LRRD1: variants seen among roughly 807,000 people sequenced by gnomAD.
LRRD1 encodes leucine rich repeats and death domain containing 1.
A neutral mutation model predicts 69.5 loss-of-function variants in LRRD1; 49 were observed. The observed-to-expected ratio is 0.70, with a 90% confidence interval of 0.56 to 0.89. LRRD1 has a LOEUF of 0.89. Ranked by LOEUF, LRRD1 falls within the 40% of genes least tolerant of loss-of-function variation. LRRD1 has a pLI of 0.00. For synonymous variants in LRRD1, 303 were observed against 338.9 expected, an observed-to-expected ratio of 0.89 and a Z score of 1.16; for missense variants, 853 against 956.0, an observed-to-expected ratio of 0.89 and a Z score of 1.42.
downstream of LRRD1, chr7:92,144,696 AAC>A (rs749784019): frequency 7.1e-5 from 26 of 367,152 alleles, no homozygotes; most frequent in Non-Finnish European, 1.1e-4. Context: ...CAACAGAACA[AAC>A]ACACAAAACA....
At chr7:92,142,670 G>C (rs1385760222), downstream of LRRD1, 2 of 405,644 alleles carry the variant, frequency 4.9e-6, no homozygotes, top group African/African-American at 4.2e-5. Flanking sequence ...GATGTGTTCG[G>C]AGTTTCTTCC....
At chr7:92,146,278 C>G in intron 4 of LRRD1, 78 bp from the exon 5 acceptor site, 1 of 712,948 alleles carries the variant, frequency 1.4e-6, no homozygotes, top group Non-Finnish European at 2.2e-6. Flanking sequence ...ATCTAGTTTT[C>G]TTATTTCTGT....
At chr7:92,143,116 C>A (rs1450461442), downstream of LRRD1, among the ~76,000 whole-genome samples, 1 of 152,136 alleles carries the variant, frequency 6.6e-6, no homozygotes, top group Non-Finnish European at 1.5e-5. Flanking sequence ...CACGTCCCCA[C>A]TAGATTAGCT....
intron 5 of LRRD1, 40 bp downstream of exon 5, chr7:92,146,043 T>G: frequency 1.9e-6 from 2 of 1,057,718 alleles, no homozygotes; most frequent in Non-Finnish European, 2.7e-6. Context: ...TACATCAGAA[T>G]GAGAATAAAT....
Position 92,174,470 on chromosome 7 carries a change from AATATATATATATATATATAT to A in LRRD1, c.-75+4517_-75+4536del, listed in dbSNP as rs1186084706. ...TCTACATATATTATGTATCAATTAGAATATATATATATATATATATATATATATATATATATATATTTTTT... is the reference window on the plus strand; with the variant it reads ...TCTACATATATTATGTATCAATTAGAATATATATATATATATATATTTTTT... On this transcript the variant is annotated intron_variant, in intron 1 of 5. Coordinates refer to ENST00000458448, the MANE Select transcript of LRRD1 (RefSeq NM_001161528.2). Among the ~76,000 whole-genome samples the A allele has an allele frequency of 5.9e-4, 12 of 20,246 alleles. No individual in the cohort carries two copies. In the South Asian group the frequency reaches 6.5e-3, roughly 11 times the overall value. The allele number at this position is 20,246 out of a possible 152,430, so 13.3% of individuals were successfully genotyped here.
At chr7:92,157,820 G>GC (rs968019415) in intron 3 of LRRD1, among the ~76,000 whole-genome samples, 3 of 151,102 alleles carry the variant, frequency 2.0e-5, no homozygotes, top group Admixed American at 6.6e-5. Context: ...CAAGCAATCC[G>GC]CCCCCCTCGG....
chr7:92,163,806 AT>A lies in LRRD1; in HGVS notation c.1396del (p.Ile466Ter), dbSNP rs756444234. 28 of 1,500,530 alleles carry A rather than the reference AT, an allele frequency of 1.9e-5. No homozygotes were observed. The highest frequency in any genetic ancestry group is 2.6e-5 in the Admixed American group (1 of 38,062). The allele number at this position is 1,500,530 out of a possible 1,614,324, so 93.0% of individuals were successfully genotyped here. On this transcript the variant is annotated frameshift_variant, in exon 2 of 6. Transcript: ENST00000458448. LOFTEE classifies it high-confidence loss of function. ...VPIEIKNCQK[I>X]IKIELSYNKI... ...GTTATAACTCAATTCAATTTTAATT[AT>A]TTTTTGGCAGTTTTTTATTTCAATG...
chr7:92,151,765 A>G (rs1820472833), intron 3 of LRRD1, among the ~76,000 whole-genome samples: 1 of 152,144 alleles, frequency 6.6e-6, no homozygotes, highest in Non-Finnish European at 1.5e-5. Context: ...CCTGGCCAAC[A>G]TGGCAAAACC....
chr7:92,143,414 AC>A (rs1405192281), downstream of LRRD1, among the ~76,000 whole-genome samples: 1 of 120,034 alleles, frequency 8.3e-6, no homozygotes, highest in Non-Finnish European at 1.8e-5. Context: ...GCGCCATGGA[AC>A]CGGGGGCGGC....
At chr7:92,157,210 A>G (rs1412907252) in intron 3 of LRRD1, among the ~76,000 whole-genome samples, 3 of 151,598 alleles carry the variant, frequency 2.0e-5, no homozygotes, top group Non-Finnish European at 4.4e-5. Context: ...TGCTTTTTAT[A>G]CTTACAGTGA....
At chr7:92,144,494 G>A (rs1820262406), downstream of LRRD1, among the ~76,000 whole-genome samples, 1 of 151,932 alleles carries the variant, frequency 6.6e-6, no homozygotes, top group Non-Finnish European at 1.5e-5. Context: ...CGGCGTGGTG[G>A]TGGGCGCCTG....
At chr7:92,173,462 A>C (rs1234567785) in intron 1 of LRRD1, among the ~76,000 whole-genome samples, 3 of 152,236 alleles carry the variant, frequency 2.0e-5, no homozygotes, top group Admixed American at 1.3e-4. Context: ...ACAACGAATT[A>C]ACCAGAATAT....
chr7:92,171,939 A>G (rs1319323743), intron 1 of LRRD1, among the ~76,000 whole-genome samples: 4 of 152,252 alleles, frequency 2.6e-5, no homozygotes, highest in African/African-American at 9.6e-5. Flanking sequence ...ATTTCTATAG[A>G]TGTTGAAAAA....
At chr7:92,145,333 TTA>T (rs1820291346) in intron 5 of LRRD1, among the ~76,000 whole-genome samples, 1 of 152,042 alleles carries the variant, frequency 6.6e-6, no homozygotes, top group East Asian at 1.9e-4. Flanking sequence ...CCTTGTACCC[TTA>T]TAGAAAATCA....
At position 92,163,582 on chromosome 7, in the gene LRRD1, C is replaced by A; in HGVS notation, c.1621G>T (p.Gly541Cys). The change falls in exon 2 of 6, where the codon GGT (glycine) becomes TGT (cysteine). Residue 541 changes from glycine to cysteine, a missense_variant. Around this residue, in one of 3 missense-constraint regions of LRRD1, gnomAD observed 739 missense variants for 808.0 expected, o/e 0.91. Coordinates refer to ENST00000458448, the MANE Select transcript of LRRD1 (RefSeq NM_001161528.2). ...GGAATTTTCTTTATTTGGTTTTTAC[C>A]AAGATCCAGGTATTTAAGATTAATA... is the stretch of plus-strand genomic sequence containing the variant. ...SLINLKYLDL[G>C]KNQIKKIPAS... 1 of 1,531,196 alleles carries A rather than the reference C, an allele frequency of 6.5e-7. No homozygotes were observed. Among genetic ancestry groups the A allele is most frequent in the South Asian group, 1.2e-5 (1 of 80,570 alleles). The allele number at this position is 1,531,196 out of a possible 1,614,324, so 94.9% of individuals were successfully genotyped here. A position where few individuals can be genotyped will look rare whatever the true frequency, so the allele number is the denominator to read the frequency against.
At position 92,176,936 on chromosome 7, in the gene LRRD1, T is replaced by TTG. The variant is rs1190432571; in HGVS notation, c.-75+2069_-75+2070dup. On this transcript the variant is annotated intron_variant, in intron 1 of 5. Transcript: ENST00000458448. The stretch of plus-strand genomic sequence containing the variant: ...TGGTTATGATATAATACTTGTGTGT[T>TTG]TGTGTGTGTATATATATATATATAT... Among the ~76,000 whole-genome samples, 235 of 149,196 alleles carry TTG rather than the reference T, an allele frequency of 1.6e-3. 1 individual carries two copies. Among genetic ancestry groups the TTG allele is most frequent in the African/African-American group, 5.3e-3 (218 of 40,770 alleles).
chr7:92,158,748 T>A (rs1189262922), intron 3 of LRRD1, among the ~76,000 whole-genome samples: 1 of 151,984 alleles, frequency 6.6e-6, no homozygotes, highest in African/African-American at 2.4e-5. Flanking sequence ...AGGGAAGAAA[T>A]ACTAAATGAC....
chr7:92,164,599 A>G lies in LRRD1; in HGVS notation c.604T>C (p.Ser202Pro), dbSNP rs1415328630. Residue 202 changes from serine to proline, a missense_variant, in exon 2 of 6, where the codon TCA becomes CCA. By Grantham distance (74) the Ser-to-Pro change is moderately conservative. Around this residue, in one of 3 missense-constraint regions of LRRD1, gnomAD observed 739 missense variants for 808.0 expected, o/e 0.91. Transcript: ENST00000458448. ...ILSLQENGLS[S>P]LPSEIQLLHN... is the part of the protein sequence containing the mutation. ...AGTAACTGAATTTCAGATGGAAGTG[A>G]TGATAATCCATTTTCTTGCAGGGAT... 2 of 1,551,418 alleles carry G rather than the reference A, an allele frequency of 1.3e-6. No homozygotes were observed. The highest frequency in any genetic ancestry group is 1.7e-6 in the Non-Finnish European group (2 of 1,146,678).
intron 1 of LRRD1, among the ~76,000 whole-genome samples, chr7:92,174,922 G>T (rs1240627952): frequency 6.6e-6 from 1 of 151,806 alleles, no homozygotes; most frequent in Non-Finnish European, 1.5e-5. Flanking sequence ...AAAAAAATTA[G>T]CTGGGAGTGG....
Sources: allele counts gnomAD v4.1 joint callset (sites outside exome capture counted in the v4.1 genomes callset), GRCh38; gene constraint gnomAD v4.1.1; regional missense constraint gnomAD v4.1.1; transcripts MANE v1.5; gene names NCBI Gene and HGNC (gene_info 2026-07-23, HGNC 2026-07-21).